Variants in CXCL13 observed in about 807,000 individuals in gnomAD.
CXCL13 encodes the protein C-X-C motif chemokine 13.
Under a neutral mutation model 12.2 loss-of-function variants are expected in CXCL13, and 7 were observed. The observed-to-expected ratio is 0.57, with a 90% CI of 0.33 to 1.07. The LOEUF is 1.07. Among genes scored for constraint, CXCL13 ranks in the 50% least tolerant of loss-of-function variants. CXCL13 has a pLI of 0.04. For missense variants in CXCL13, 113 were observed against 127.4 expected, an observed-to-expected ratio of 0.89 and a Z score of 0.55; for synonymous variants, 47 against 42.4, an observed-to-expected ratio of 1.11 and a Z score of -0.42.
chr4:77,554,179 G>A (rs1038516208), intron 1 of CXCL13, among the ~76,000 whole-genome samples: 1 of 151,942 alleles, frequency 6.6e-6, no homozygotes, highest in Admixed American at 6.6e-5. Flanking sequence ...CTCATCAATT[G>A]TGTGCTCTAT....
rs532060293 is a variant in CXCL13 at position 77,528,720 on chromosome 4, C to T, written c.-43+16932C>T. On this transcript the variant is annotated intron_variant, in intron 1 of 4. Coordinates refer to the CXCL13 transcript ENST00000286758. ...TAGATTGCAAAAATGTTCTCCCATT[C>T]TGTAGGTTGCCTGTTCACTCTAATG... Among the ~76,000 whole-genome samples the T allele has an allele frequency of 7.9e-5, 12 of 152,262 alleles. No individual in the cohort carries two copies. In the South Asian group the frequency reaches 2.5e-3, roughly 32 times the overall value.
At chr4:77,576,365 C>A (rs966979822) in intron 1 of CXCL13, among the ~76,000 whole-genome samples, 11 of 152,112 alleles carry the variant, frequency 7.2e-5, no homozygotes, top group African/African-American at 2.4e-4. Flanking sequence ...CTCCTGTGAC[C>A]AAAATTTGGG....
intron 1 of CXCL13, among the ~76,000 whole-genome samples, chr4:77,566,245 A>C (rs1223030960): frequency 3.3e-5 from 5 of 152,202 alleles, no homozygotes; most frequent in Non-Finnish European, 1.5e-5. Context: ...TAACTAGAAA[A>C]TACACATTTA....
chr4:77,528,854 A>G (rs548001578), intron 1 of CXCL13, among the ~76,000 whole-genome samples: 1 of 152,334 alleles, frequency 6.6e-6, no homozygotes, highest in Non-Finnish European at 1.5e-5. Context: ...GTCCTTGCCC[A>G]TGCCTATGTC....
intron 1 of CXCL13, among the ~76,000 whole-genome samples, chr4:77,550,788 T>C (rs1725498357): frequency 1.3e-5 from 2 of 152,264 alleles, no homozygotes; most frequent in African/African-American, 4.8e-5. Flanking sequence ...TTTATGAATC[T>C]GGGTGCTCCA....
At chr4:77,570,784 G>A (rs1409097341) in intron 1 of CXCL13, among the ~76,000 whole-genome samples, 1 of 149,498 alleles carries the variant, frequency 6.7e-6, no homozygotes, top group Non-Finnish European at 1.5e-5. Flanking sequence ...GCCGGCCCTG[G>A]GCAGTGAGGG....
intron 1 of CXCL13, among the ~76,000 whole-genome samples, chr4:77,561,873 T>C (rs1045722994): frequency 1.3e-5 from 2 of 152,076 alleles, no homozygotes; most frequent in African/African-American, 2.4e-5. Context: ...CCTCTGCTTG[T>C]GGGGTGATGT....
chr4:77,512,752 C>G (rs1724306474), intron 1 of CXCL13, among the ~76,000 whole-genome samples: 1 of 152,082 alleles, frequency 6.6e-6, no homozygotes, highest in South Asian at 2.1e-4. Context: ...CAATTTAACC[C>G]AGAACATTAC....
chr4:77,571,588 G>A (rs1425855829), intron 1 of CXCL13, among the ~76,000 whole-genome samples: 1 of 151,810 alleles, frequency 6.6e-6, no homozygotes, highest in Non-Finnish European at 1.5e-5. Flanking sequence ...ATCTGATGGG[G>A]ACGTGGAGAA....
chr4:77,563,184 T>G (rs1293526019), intron 1 of CXCL13, among the ~76,000 whole-genome samples: 1 of 152,058 alleles, frequency 6.6e-6, no homozygotes, highest in Non-Finnish European at 1.5e-5. Context: ...GGACGCCCCT[T>G]TAAGAACTGT....
chr4:77,552,322 A>C (rs1260381090), intron 1 of CXCL13, among the ~76,000 whole-genome samples: 5 of 151,972 alleles, frequency 3.3e-5, no homozygotes, highest in African/African-American at 1.2e-4. Context: ...AGGGAATGTG[A>C]CTGTAGAGAA....
chr4:77,553,412 C>T (rs1725580564), intron 1 of CXCL13, among the ~76,000 whole-genome samples: 3 of 152,178 alleles, frequency 2.0e-5, no homozygotes, highest in African/African-American at 7.2e-5. Flanking sequence ...GGTGTCCTGC[C>T]CTCAGTTCCA....
At chr4:77,511,804 T>G (rs893241734) in intron 1 of CXCL13, 4 of 152,218 alleles carry the variant, frequency 2.6e-5, no homozygotes, top group African/African-American at 7.2e-5. Context: ...AGGTTGAATA[T>G]GTCAACCCTA....
At chr4:77,540,726 C>A (rs1034108205) in intron 1 of CXCL13, among the ~76,000 whole-genome samples, 4 of 152,148 alleles carry the variant, frequency 2.6e-5, no homozygotes, top group Admixed American at 6.5e-5. Flanking sequence ...CTGTGATGAA[C>A]ATGCAAGTGC....
chr4:77,539,444 CT>C (rs1374365179), intron 1 of CXCL13, among the ~76,000 whole-genome samples: 2 of 152,144 alleles, frequency 1.3e-5, no homozygotes, highest in Non-Finnish European at 2.9e-5. Flanking sequence ...GACCTTTTGA[CT>C]TGAGGTTTTA....
At chr4:77,522,992 T>C (rs1724649398) in intron 1 of CXCL13, among the ~76,000 whole-genome samples, 1 of 152,214 alleles carries the variant, frequency 6.6e-6, no homozygotes, top group Non-Finnish European at 1.5e-5. Context: ...GGATATTAAA[T>C]TCTAGGTTGA....
chr4:77,605,920 C>G lies in CXCL13; in HGVS notation c.55C>G (p.Pro19Ala). The G allele has an allele frequency of 1.2e-6, 2 of 1,601,134 alleles. No individual in the cohort carries two copies. Among genetic ancestry groups the G allele is most frequent in the Non-Finnish European group, 1.7e-6 (2 of 1,170,882 alleles). The change falls in exon 1 of 4, where the codon CCA becomes GCA. Residue 19 changes from proline (P) to alanine (A), a missense_variant. Pro to Ala is a conservative substitution (Grantham distance 27, BLOSUM62 -1). Coordinates refer to ENST00000682537, the MANE Select transcript of CXCL13 (RefSeq NM_001371558.1). ...LLMLLVSSLS[P>A]VQGVLEVYYT... ...CATGCTGCTGGTCAGCAGCCTCTCT[C>G]CAGTCCAAGGTGAGAAATTTCATTT...
intron 1 of CXCL13, among the ~76,000 whole-genome samples, chr4:77,576,782 C>G (rs1393599380): frequency 6.6e-6 from 1 of 152,230 alleles, no homozygotes; most frequent in African/African-American, 2.4e-5. Flanking sequence ...TCTTGCTGCA[C>G]TGTACACAAA....
intron 1 of CXCL13, among the ~76,000 whole-genome samples, chr4:77,579,312 G>T (rs1726262159): frequency 6.6e-6 from 1 of 152,140 alleles, no homozygotes. Context: ...TCAATCTCTG[G>T]GTGGAATTTT....
Sources: allele counts gnomAD v4.1 joint callset (sites outside exome capture counted in the v4.1 genomes callset), GRCh38; gene constraint gnomAD v4.1.1; transcripts MANE v1.5; gene names NCBI Gene and HGNC (gene_info 2026-07-23, HGNC 2026-07-21).